The following UNC5D variants were observed in gnomAD, a reference collection of about 807,000 sequenced individuals.
UNC5D encodes the protein netrin receptor UNC5D.
UNC5D carries 39 observed loss-of-function variants against 105.4 expected under a neutral mutation model. The ratio of observed to expected loss-of-function variants is 0.37; its 90% CI spans 0.29 to 0.48. The LOEUF is 0.48. Ranked by LOEUF, UNC5D falls within the 20% of genes least tolerant of loss-of-function variation. The pLI is 0.98. For missense variants in UNC5D, 991 were observed against 1,202.4 expected, an observed-to-expected ratio of 0.82 and a Z score of 2.60; for synonymous variants, 452 against 450.4, an observed-to-expected ratio of 1.00 and a Z score of -0.04.
chr8:35,272,151 G>T (rs1419271209), intron 1 of UNC5D, among the ~76,000 whole-genome samples: 1 of 152,014 alleles, frequency 6.6e-6, no homozygotes, highest in Non-Finnish European at 1.5e-5. Context: ...TAAAACATGA[G>T]GTTGAATTGC....
chr8:35,353,787 G>A (rs1341833151), intron 1 of UNC5D, among the ~76,000 whole-genome samples: 2 of 152,116 alleles, frequency 1.3e-5, no homozygotes, highest in African/African-American at 2.4e-5. Context: ...TGTGTGTGTA[G>A]AAAAGGGGAC....
At chr8:35,348,758 C>G (rs1377127750) in intron 1 of UNC5D, among the ~76,000 whole-genome samples, 1 of 151,646 alleles carries the variant, frequency 6.6e-6, no homozygotes, top group Non-Finnish European at 1.5e-5. Context: ...TGTATATATC[C>G]TGGACTTAAT....
At chr8:35,271,383 G>GCA (rs1554498943) in intron 1 of UNC5D, among the ~76,000 whole-genome samples, 6 of 78,680 alleles carry the variant, frequency 7.6e-5, no homozygotes, top group South Asian at 4.5e-4. Context: ...GTATGTATAT[G>GCA]TACACACATG....
At chr8:35,759,293 T>A (rs756778373) in intron 13 of UNC5D, 27 bp from the exon 14 acceptor site, 1 of 1,609,734 alleles carries the variant, frequency 6.2e-7, no homozygotes, top group Non-Finnish European at 8.5e-7. Context: ...TCATTATTGA[T>A]CTTATTTTCT....
At position 35,555,875 on chromosome 8, in the gene UNC5D, GCACACACACACACACACACACACACACA is replaced by G. The variant is rs56788274; in HGVS notation, c.322+6388_322+6415del. 2.2e-5 allele frequency among the ~76,000 whole-genome samples: 3 copies of G among 134,236 alleles called. No homozygotes were observed. In the East Asian group the frequency reaches 6.8e-4, roughly 30 times the overall value. The allele number at this position is 134,236 out of a possible 152,430, so 88.1% of individuals were successfully genotyped here. A position where few individuals can be genotyped will look rare whatever the true frequency, so the allele number is the denominator to read the frequency against. On this transcript the variant is annotated intron_variant, in intron 2 of 16. Coordinates refer to ENST00000404895, the MANE Select transcript of UNC5D (RefSeq NM_080872.4). ...AATTATAAAGATCTATAAAAAAACA[GCACACACACACACACACACACACACACA>G]CACACACACACACACACACACAGAA...
chr8:35,379,217 T>C (rs1429180363), intron 1 of UNC5D, among the ~76,000 whole-genome samples: 2 of 152,182 alleles, frequency 1.3e-5, no homozygotes, highest in Admixed American at 6.5e-5. Context: ...TAGTAACTTA[T>C]AGTCACACAG....
chr8:35,425,726 C>G (rs1038490908), intron 1 of UNC5D, among the ~76,000 whole-genome samples: 1 of 152,120 alleles, frequency 6.6e-6, no homozygotes, highest in Admixed American at 6.6e-5. Context: ...CCTGCTCTGC[C>G]CTTCAGAGGG....
At chr8:35,613,785 G>A (rs145755385) in intron 4 of UNC5D, among the ~76,000 whole-genome samples, 2,928 of 152,262 alleles carry the variant, frequency 0.019, 48 homozygotes, top group Non-Finnish European at 0.032. Context: ...GGAGGCGGAG[G>A]TTGCAGTGAG....
intron 1 of UNC5D, among the ~76,000 whole-genome samples, chr8:35,238,794 G>C (rs1384836054): frequency 4.6e-5 from 7 of 152,188 alleles, no homozygotes; most frequent in Non-Finnish European, 7.3e-5. Context: ...TTAATGGCAA[G>C]AGAAGTACAC....
chr8:35,305,577 T>TTCTCTTTCTTTCTTTCTTTC (rs1339138456), intron 1 of UNC5D, among the ~76,000 whole-genome samples: 33 of 54,026 alleles, frequency 6.1e-4, no homozygotes, highest in African/African-American at 1.8e-3. Context: ...CTTTCTTTCT[T>TTCTCTTTCTTTCTTTCTTTC]TTTCTTTCTT....
Position 35,235,868 on chromosome 8 carries a change from A to C in UNC5D, c.84A>C (p.Ala28=). ...LPWLGLCFWA[A]GTAAARGTDN... is the part of the protein sequence containing the mutation. ...GGCTGGGGCTGTGCTTCTGGGCGGC[A>C]GGGACCGCGGCTGCCCGAGGTAAGC... The change falls in exon 1 of 17, where the codon GCA becomes GCC. Residue 28 remains alanine (A), a synonymous_variant. Coordinates refer to ENST00000404895, the MANE Select transcript of UNC5D (RefSeq NM_080872.4). 7.3e-6 allele frequency: 9 copies of C among 1,229,566 alleles called. No homozygotes were observed. The highest frequency in any genetic ancestry group is 9.1e-6 in the Non-Finnish European group (9 of 986,388). 76.2% of individuals were successfully genotyped at this position (1,229,566 alleles called of 1,614,324 possible).
At chr8:35,727,929 C>G (rs117892777) in intron 10 of UNC5D, 1 of 151,588 alleles carries the variant, frequency 6.6e-6, no homozygotes, top group Non-Finnish European at 1.5e-5. Context: ...CTAAAGAACA[C>G]GACGTGTCAG....
At chr8:35,742,976 T>C (rs1048366210) in intron 11 of UNC5D, among the ~76,000 whole-genome samples, 2 of 152,214 alleles carry the variant, frequency 1.3e-5, no homozygotes, top group Non-Finnish European at 2.9e-5. Flanking sequence ...ATTATTTTAA[T>C]AGTTTTTGGG....
intron 1 of UNC5D, among the ~76,000 whole-genome samples, chr8:35,263,908 A>T (rs558583281): frequency 6.6e-6 from 1 of 152,226 alleles, no homozygotes; most frequent in Non-Finnish European, 1.5e-5. Flanking sequence ...CTGGCTGCAA[A>T]CTCCAATAGT....
intron 1 of UNC5D, among the ~76,000 whole-genome samples, chr8:35,413,580 ACTAT>A (rs1392673148): frequency 6.6e-6 from 1 of 151,942 alleles, no homozygotes; most frequent in Non-Finnish European, 1.5e-5. Context: ...ACTTTCTGCT[ACTAT>A]CTAAGTCACA....
At chr8:35,382,277 G>T (rs1803090706) in intron 1 of UNC5D, among the ~76,000 whole-genome samples, 1 of 152,150 alleles carries the variant, frequency 6.6e-6, no homozygotes, top group Non-Finnish European at 1.5e-5. Flanking sequence ...AGCGGTTGAT[G>T]ACATTTTTTG....
intron 13 of UNC5D, among the ~76,000 whole-genome samples, chr8:35,755,847 T>A (rs1450628961): frequency 1.3e-5 from 2 of 152,288 alleles, no homozygotes; most frequent in African/African-American, 4.8e-5. Flanking sequence ...GAAGGCAGAC[T>A]GGAAAAATCA....
intron 1 of UNC5D, among the ~76,000 whole-genome samples, chr8:35,258,340 A>G (rs1170853799): frequency 6.6e-6 from 1 of 152,244 alleles, no homozygotes; most frequent in Non-Finnish European, 1.5e-5. Flanking sequence ...AAATTTCAAC[A>G]TGATTTTTAG....
chr8:35,506,581 G>A (rs1284655845), intron 1 of UNC5D, among the ~76,000 whole-genome samples: 1 of 152,232 alleles, frequency 6.6e-6, no homozygotes, highest in African/African-American at 2.4e-5. Context: ...TTAGCCTGAG[G>A]TCACAGAGTT....
Sources: gnomAD v4.1 joint callset for allele counts (sites outside exome capture counted in the v4.1 genomes callset) on GRCh38, gnomAD v4.1.1 for gene constraint, MANE v1.5 for transcripts, NCBI Gene and HGNC (gene_info 2026-07-23, HGNC 2026-07-21) for gene names.